PCDH9: variants seen among roughly 807,000 people sequenced by gnomAD.
PCDH9 encodes protocadherin-9.
PCDH9 carries 24 observed loss-of-function variants against 70.6 expected under a neutral mutation model. The ratio of observed to expected loss-of-function variants is 0.34; its 90% CI spans 0.25 to 0.48. PCDH9 has a LOEUF of 0.48. PCDH9 is among the 20% of genes least tolerant of loss of function. The pLI, the probability that PCDH9 is intolerant of heterozygous loss-of-function variation, is 0.99. For missense variants in PCDH9, 1,281 were observed against 1,503.6 expected (o/e 0.85, Z 2.45); for synonymous variants, 562 against 558.5 (o/e 1.01, Z -0.09).
At chr13:66,964,062 T>C (rs532677156) in intron 2 of PCDH9, among the ~76,000 whole-genome samples, 9 of 151,910 alleles carry the variant, frequency 5.9e-5, no homozygotes, top group Non-Finnish European at 1.2e-4. Context: ...AATTTATGAG[T>C]TCTCTAACTG....
chr13:66,388,225 A>G (rs754337691), intron 4 of PCDH9, among the ~76,000 whole-genome samples: 8 of 152,204 alleles, frequency 5.3e-5, no homozygotes, highest in Non-Finnish European at 1.0e-4. Flanking sequence ...AGAATATATC[A>G]TTTATATTTA....
chr13:66,963,786 G>A (rs951281224), intron 2 of PCDH9, among the ~76,000 whole-genome samples: 24 of 152,070 alleles, frequency 1.6e-4, no homozygotes, highest in African/African-American at 4.8e-4. Flanking sequence ...ATAAGTCAAC[G>A]TCCAATGAAA....
chr13:66,832,904 T>C (rs1047164795), intron 3 of PCDH9, among the ~76,000 whole-genome samples: 2 of 152,126 alleles, frequency 1.3e-5, no homozygotes, highest in African/African-American at 4.8e-5. Flanking sequence ...ACCCCCTGTA[T>C]TCCTCCTCTA....
intron 3 of PCDH9, among the ~76,000 whole-genome samples, chr13:66,690,035 A>G (rs2078460574): frequency 6.6e-6 from 1 of 152,184 alleles, no homozygotes; most frequent in Non-Finnish European, 1.5e-5. Flanking sequence ...ATTGGACCAC[A>G]TTAAACCTAC....
Position 66,601,694 on chromosome 13 carries a change from T to C in PCDH9, c.3340+29516A>G, listed in dbSNP as rs1020280101. Among the ~76,000 whole-genome samples the C allele has an allele frequency of 4.7e-4, 68 of 146,154 alleles. 13 individuals carry two copies. Among genetic ancestry groups the C allele is most frequent in the Non-Finnish European group, 9.2e-5 (6 of 64,982 alleles). On this transcript the variant is annotated intron_variant, in intron 4 of 4. Coordinates refer to ENST00000377865, the MANE Select transcript of PCDH9 (RefSeq NM_203487.3). ...GCTTTAACAGATAGAAGTAGAGTCA[T>C]GCACTGCAGAAGACACTTCATTCAG... is the stretch of plus-strand genomic sequence containing the variant.
intron 2 of PCDH9, among the ~76,000 whole-genome samples, chr13:66,920,533 G>T (rs910662891): frequency 6.6e-6 from 1 of 150,868 alleles, no homozygotes; most frequent in African/African-American, 2.4e-5. Flanking sequence ...CCACCAGAGT[G>T]AATGACCTTC....
chr13:66,537,433 T>C (rs941502513), intron 4 of PCDH9, among the ~76,000 whole-genome samples: 1 of 152,112 alleles, frequency 6.6e-6, no homozygotes, highest in African/African-American at 2.4e-5. Flanking sequence ...TGATATATTA[T>C]GTAGCATAAC....
intron 3 of PCDH9, among the ~76,000 whole-genome samples, chr13:66,632,138 G>A (rs967095924): frequency 6.6e-6 from 1 of 151,954 alleles, no homozygotes; most frequent in African/African-American, 2.4e-5. Flanking sequence ...CAGGTAATCC[G>A]CCCGCCTTGG....
intron 4 of PCDH9, among the ~76,000 whole-genome samples, chr13:66,467,521 G>T (rs1958538723): frequency 6.6e-6 from 1 of 151,984 alleles, no homozygotes; most frequent in Admixed American, 6.6e-5. Context: ...CTACCAGCCA[G>T]CTTACATCAG....
chr13:66,740,582 A>ATAGGCC lies in PCDH9; in HGVS notation c.3139-109177_3139-109172dup, dbSNP rs1385231588. On this transcript the variant is annotated intron_variant, in intron 3 of 4. Transcript: ENST00000377865. ...TTTTTTGAAAGGATCACCAAAAGTG[A>ATAGGCC]TAGGCCGCTAGCAAGACTAATAAAG... 3.3e-5 allele frequency among the ~76,000 whole-genome samples: 5 copies of ATAGGCC among 149,322 alleles called. No individual in the cohort carries two copies. The East Asian group carries it at 1.0e-3, about 30-fold the overall frequency.
intron 4 of PCDH9, among the ~76,000 whole-genome samples, chr13:66,540,694 C>A (rs1960917282): frequency 2.0e-5 from 3 of 152,142 alleles, no homozygotes; most frequent in South Asian, 2.1e-4. Context: ...AACTGGTTGA[C>A]CCCCTTTGGG....
At chr13:66,582,606 T>C in intron 4 of PCDH9, among the ~76,000 whole-genome samples, 1 of 152,218 alleles carries the variant, frequency 6.6e-6, no homozygotes, top group Admixed American at 6.5e-5. Flanking sequence ...GCACTCCAGC[T>C]GGGTGACAGA....
chr13:66,732,555 A>T (rs1305921282), intron 3 of PCDH9, among the ~76,000 whole-genome samples: 1 of 152,068 alleles, frequency 6.6e-6, no homozygotes, highest in Non-Finnish European at 1.5e-5. Flanking sequence ...AAATAAGATT[A>T]TTTCCCAAAG....
chr13:66,492,462 A>ATGATTTTTATATAT (rs1959050176), intron 4 of PCDH9, among the ~76,000 whole-genome samples: 1 of 148,054 alleles, frequency 6.8e-6, no homozygotes, highest in Non-Finnish European at 1.5e-5. Flanking sequence ...AATATATATA[A>ATGATTTTTATATAT]ATATAAACAA....
intron 4 of PCDH9, among the ~76,000 whole-genome samples, chr13:66,540,476 CT>C (rs1196211578): frequency 6.6e-6 from 1 of 152,010 alleles, no homozygotes; most frequent in Non-Finnish European, 1.5e-5. Context: ...TATTATTAAG[CT>C]TTTTTTACAT....
chr13:66,624,094 GA>G (rs1181610720), intron 4 of PCDH9, among the ~76,000 whole-genome samples: 1 of 152,110 alleles, frequency 6.6e-6, no homozygotes, highest in Non-Finnish European at 1.5e-5. Flanking sequence ...CTCTATTCAT[GA>G]TTCTCAATGG....
rs182714803 is a variant in PCDH9, at chr13:66,529,008, T to G, written c.3340+102202A>C. On this transcript the variant is annotated intron_variant, in intron 4 of 4. Transcript: ENST00000377865. ...TCTACTCTTCTCTAGCAAAGTCTTATGGAGATTGATTGCTTCCACACTGTA... is the reference window on the plus strand; with the variant it reads ...TCTACTCTTCTCTAGCAAAGTCTTAGGGAGATTGATTGCTTCCACACTGTA... Among the ~76,000 whole-genome samples the G allele has an allele frequency of 1.4e-4, 22 of 152,244 alleles. 1 individual carries two copies. The South Asian group carries it at 4.6e-3, about 32-fold the overall frequency.
At chr13:67,151,970 G>C (rs1199401435) in intron 2 of PCDH9, among the ~76,000 whole-genome samples, 1 of 151,898 alleles carries the variant, frequency 6.6e-6, no homozygotes. Context: ...TGAACTAAAA[G>C]ACTCTTAAGG....
chr13:66,587,179 T>A (rs1401115544), intron 4 of PCDH9, among the ~76,000 whole-genome samples: 3 of 151,728 alleles, frequency 2.0e-5, no homozygotes, highest in East Asian at 3.9e-4. Context: ...AAAACTCTAG[T>A]CCCAACTACT....
Sources: gnomAD v4.1 joint callset for allele counts (sites outside exome capture counted in the v4.1 genomes callset) on GRCh38, gnomAD v4.1.1 for gene constraint, MANE v1.5 for transcripts, NCBI Gene and HGNC (gene_info 2026-07-23, HGNC 2026-07-21) for gene names.